The following ASB5 variants were observed in gnomAD, a reference collection of about 807,000 sequenced individuals.
The protein encoded by ASB5 is ankyrin repeat and SOCS box containing 5.
A neutral mutation model predicts 42.1 loss-of-function variants in ASB5; 45 were observed. That is an observed-to-expected ratio of 1.07 (90% CI 0.84 to 1.37). The LOEUF is 1.37. Among genes scored for constraint, ASB5 ranks in the 40% most tolerant of loss-of-function variants. ASB5 has a pLI of 0.00. For synonymous variants in ASB5, 147 were observed against 150.6 expected (o/e 0.98, Z 0.18); for missense variants, 402 against 399.8 (o/e 1.01, Z -0.05).
intron 3 of ASB5, 39 bp downstream of exon 3, chr4:176,222,274 A>T: frequency 6.6e-7 from 1 of 1,522,104 alleles, no homozygotes; most frequent in Non-Finnish European, 9.1e-7. Context: ...TCCCTCCGTC[A>T]GTAGATGTTA....
intron 1 of ASB5, among the ~76,000 whole-genome samples, chr4:176,228,176 TTAGA>T (rs1179603069): frequency 1.3e-5 from 2 of 152,230 alleles, no homozygotes; most frequent in East Asian, 1.9e-4. Flanking sequence ...GTTCTGTTTC[TTAGA>T]TAGTCAGGGA....
intron 1 of ASB5, among the ~76,000 whole-genome samples, chr4:176,237,867 A>G (rs752402058): frequency 6.6e-6 from 1 of 152,238 alleles, no homozygotes; most frequent in Non-Finnish European, 1.5e-5. Flanking sequence ...GCAGCCAGAA[A>G]GCTCAGTAGT....
intron 1 of ASB5, among the ~76,000 whole-genome samples, chr4:176,253,152 C>T (rs1754077261): frequency 6.6e-6 from 1 of 152,118 alleles, no homozygotes; most frequent in Admixed American, 6.5e-5. Context: ...TTTTCCATTT[C>T]TCATTGTCTC....
intron 1 of ASB5, among the ~76,000 whole-genome samples, chr4:176,263,265 A>C (rs1049059843): frequency 2.6e-5 from 4 of 152,300 alleles, no homozygotes; most frequent in Non-Finnish European, 5.9e-5. Flanking sequence ...TCATGAGCTA[A>C]ATAAACCTGT....
chr4:176,217,342 A>T (rs1579306053), intron 5 of ASB5, among the ~76,000 whole-genome samples: 1 of 152,264 alleles, frequency 6.6e-6, no homozygotes, highest in African/African-American at 2.4e-5. Context: ...AACCATACTA[A>T]CTACTATTAT....
At chr4:176,270,400 A>G (rs1294101359), upstream of ASB5, among the ~76,000 whole-genome samples, 2 of 152,202 alleles carry the variant, frequency 1.3e-5, no homozygotes, top group Non-Finnish European at 2.9e-5. Context: ...TATCCATTTT[A>G]TGCTGAGTAT....
chr4:176,240,281 G>A (rs1403839213), intron 1 of ASB5, among the ~76,000 whole-genome samples: 1 of 152,128 alleles, frequency 6.6e-6, no homozygotes, highest in Middle Eastern at 3.2e-3. Context: ...GATGAATGAT[G>A]GTCTAACGTT....
At chr4:176,255,202 A>G (rs184511138) in intron 1 of ASB5, among the ~76,000 whole-genome samples, 13 of 152,296 alleles carry the variant, frequency 8.5e-5, no homozygotes, top group African/African-American at 3.1e-4. Context: ...GTTGTTATTA[A>G]AAAGAAAAAA....
chr4:176,242,211 C>A (rs1005126841), intron 1 of ASB5, among the ~76,000 whole-genome samples: 1 of 152,146 alleles, frequency 6.6e-6, no homozygotes, highest in Non-Finnish European at 1.5e-5. Flanking sequence ...ACAGATCCAA[C>A]ATAACCAAGC....
At chr4:176,235,234 A>G (rs1753655701) in intron 1 of ASB5, among the ~76,000 whole-genome samples, 1 of 152,224 alleles carries the variant, frequency 6.6e-6, no homozygotes, top group Admixed American at 6.5e-5. Context: ...TAGTAGCAAA[A>G]CACAGCAATA....
At chr4:176,220,384 C>G (rs556643605) in intron 5 of ASB5, among the ~76,000 whole-genome samples, 1 of 152,024 alleles carries the variant, frequency 6.6e-6, no homozygotes, top group East Asian at 1.9e-4. Context: ...TATCAGGGAT[C>G]GAATGATTCT....
At chr4:176,263,950 T>C (rs1318392467) in intron 1 of ASB5, among the ~76,000 whole-genome samples, 5 of 151,930 alleles carry the variant, frequency 3.3e-5, no homozygotes, top group African/African-American at 1.2e-4. Context: ...CAGGTTACAG[T>C]ATTCTCCAAA....
At chr4:176,219,047 AAT>A (rs1334450783) in intron 5 of ASB5, among the ~76,000 whole-genome samples, 1 of 14,548 alleles carries the variant, frequency 6.9e-5, no homozygotes, top group Non-Finnish European at 1.3e-4. Context: ...ATGATATATA[AAT>A]ATATATATTT....
At chr4:176,241,763 T>A in intron 1 of ASB5, 3 of 895,638 alleles carry the variant, frequency 3.3e-6, no homozygotes, top group Non-Finnish European at 4.4e-6. Context: ...TAACCTTTGT[T>A]CCAAAGGTCA....
intron 1 of ASB5, among the ~76,000 whole-genome samples, chr4:176,242,422 A>G (rs1046840501): frequency 2.0e-5 from 3 of 152,236 alleles, no homozygotes; most frequent in Non-Finnish European, 4.4e-5. Flanking sequence ...CTACTTATAC[A>G]TATACATATT....
intron 5 of ASB5, among the ~76,000 whole-genome samples, chr4:176,220,706 T>C (rs989819489): frequency 1.3e-5 from 2 of 152,130 alleles, no homozygotes; most frequent in Admixed American, 6.6e-5. Flanking sequence ...AAGTACAAAG[T>C]CTAGAAAAGT....
intron 1 of ASB5, among the ~76,000 whole-genome samples, chr4:176,252,085 A>AAAAAG (rs1754051144): frequency 6.6e-5 from 2 of 30,448 alleles, no homozygotes; most frequent in African/African-American, 1.3e-4. Flanking sequence ...AAAAAAAAAG[A>AAAAAG]AAAAAAAAAA....
At chr4:176,272,078 A>G (rs1358192483), upstream of ASB5, among the ~76,000 whole-genome samples, 1 of 152,194 alleles carries the variant, frequency 6.6e-6, no homozygotes, top group Non-Finnish European at 1.5e-5. Flanking sequence ...ATTAAATAAG[A>G]TGGAACTTTA....
intron 1 of ASB5, among the ~76,000 whole-genome samples, chr4:176,264,018 C>G (rs1754312309): frequency 6.6e-6 from 1 of 150,480 alleles, no homozygotes; most frequent in Non-Finnish European, 1.5e-5. Context: ...TGTCCTATTT[C>G]CAAGTGTCTA....
Sources: gnomAD v4.1 joint callset for allele counts (sites outside exome capture counted in the v4.1 genomes callset) on GRCh38, gnomAD v4.1.1 for gene constraint, MANE v1.5 for transcripts, NCBI Gene and HGNC (gene_info 2026-07-23, HGNC 2026-07-21) for gene names.